CDH18: variants seen among roughly 807,000 people sequenced by gnomAD.
The protein encoded by CDH18 is cadherin-18.
Under a neutral mutation model 67.9 loss-of-function variants are expected in CDH18, and 31 were observed. That is an observed-to-expected ratio of 0.46 (90% CI 0.34 to 0.62). CDH18 has a LOEUF of 0.62. Among genes scored for constraint, CDH18 ranks in the 20% least tolerant of loss-of-function variants. The pLI is 0.01. For synonymous variants in CDH18, 362 were observed against 347.2 expected (o/e 1.04, Z -0.48); for missense variants, 890 against 975.5 (o/e 0.91, Z 1.17).
At chr5:19,704,880 CCAGGA>C (rs748257368) in intron 5 of CDH18, among the ~76,000 whole-genome samples, 20 of 152,144 alleles carry the variant, frequency 1.3e-4, no homozygotes, top group Non-Finnish European at 2.4e-4. Context: ...GGCATTACAG[CCAGGA>C]TTGCCTTCTC....
intron 6 of CDH18, among the ~76,000 whole-genome samples, chr5:19,598,964 T>C (rs1348227909): frequency 6.6e-6 from 1 of 152,162 alleles, no homozygotes; most frequent in Non-Finnish European, 1.5e-5. Context: ...TATGTGACTA[T>C]TAATGAAAAA....
At chr5:19,641,037 C>A (rs1283858884) in intron 5 of CDH18, among the ~76,000 whole-genome samples, 2 of 151,402 alleles carry the variant, frequency 1.3e-5, no homozygotes, top group African/African-American at 4.8e-5. Flanking sequence ...CAAAAAGCAT[C>A]CTTTTTATGG....
At chr5:19,825,512 C>T (rs982718129) in intron 3 of CDH18, among the ~76,000 whole-genome samples, 2 of 152,008 alleles carry the variant, frequency 1.3e-5, no homozygotes, top group Non-Finnish European at 1.5e-5. Flanking sequence ...GGGCTGACAC[C>T]GCAAGGATAC....
chr5:20,446,748 G>T (rs1202764870), intron 1 of CDH18, among the ~76,000 whole-genome samples: 1 of 152,064 alleles, frequency 6.6e-6, no homozygotes, highest in African/African-American at 2.4e-5. Flanking sequence ...ATTTAAAAAG[G>T]CACATCAGTG....
At chr5:19,487,994 C>A (rs1261324556) in intron 11 of CDH18, among the ~76,000 whole-genome samples, 1 of 152,104 alleles carries the variant, frequency 6.6e-6, no homozygotes, top group Non-Finnish European at 1.5e-5. Flanking sequence ...ATGCATTCAA[C>A]TTCTGTATTT....
intron 2 of CDH18, among the ~76,000 whole-genome samples, chr5:19,852,879 G>T (rs577595054): frequency 2.0e-5 from 3 of 152,114 alleles, no homozygotes; most frequent in Admixed American, 6.6e-5. Flanking sequence ...TGGCCTTCAG[G>T]AGTATTGAAA....
intron 1 of CDH18, among the ~76,000 whole-genome samples, chr5:20,414,825 C>T (rs935610590): frequency 5.9e-5 from 9 of 152,036 alleles, no homozygotes; most frequent in African/African-American, 2.2e-4. Flanking sequence ...GCAATAGCAA[C>T]CACAGCAAAA....
At chr5:20,267,698 T>C (rs906475381) in intron 1 of CDH18, among the ~76,000 whole-genome samples, 3 of 152,194 alleles carry the variant, frequency 2.0e-5, no homozygotes, top group East Asian at 3.9e-4. Context: ...TTCCCTCTCA[T>C]ATATCATCAT....
chr5:19,472,819 C>T lies in CDH18; in HGVS notation c.*407G>A, dbSNP rs941125678. 6.1e-6 allele frequency: 1 copy of T among 162,768 alleles called. No individual in the cohort carries two copies. The highest frequency in any genetic ancestry group is 1.4e-5 in the Non-Finnish European group (1 of 73,894). 10.1% of individuals were successfully genotyped at this position (162,768 alleles called of 1,614,324 possible). A position where few individuals can be genotyped will look rare whatever the true frequency, so the allele number is the denominator to read the frequency against. ...AGGTTGTGATTACCTTCACAAGTTT[C>T]CTGTATTAGTGTTACCACCCCTATA... On this transcript the variant is annotated 3_prime_UTR_variant, in exon 13 of 13. Coordinates refer to ENST00000382275, the MANE Select transcript of CDH18 (RefSeq NM_004934.5).
intron 2 of CDH18, among the ~76,000 whole-genome samples, chr5:20,109,475 G>C (rs528065473): frequency 6.6e-6 from 1 of 152,120 alleles, no homozygotes; most frequent in Non-Finnish European, 1.5e-5. Flanking sequence ...AGACTTATAC[G>C]GCAACACTCT....
chr5:20,427,889 A>G (rs1748422919), intron 1 of CDH18, among the ~76,000 whole-genome samples: 1 of 151,198 alleles, frequency 6.6e-6, no homozygotes, highest in African/African-American at 2.5e-5. Context: ...CACTTTTCTA[A>G]TCAGAACATT....
chr5:19,612,302 A>T (rs1749108228), intron 6 of CDH18, 132 bp downstream of exon 6: 1 of 769,504 alleles, frequency 1.3e-6, no homozygotes, highest in Non-Finnish European at 2.1e-6. Flanking sequence ...TACATGAAGA[A>T]GGGTGATCAT....
chr5:19,874,217 T>C (rs183722833), intron 2 of CDH18, among the ~76,000 whole-genome samples: 148 of 152,296 alleles, frequency 9.7e-4, no homozygotes, highest in African/African-American at 3.5e-3. Flanking sequence ...CTGTTTGGCA[T>C]TGACCTCTCT....
chr5:20,198,584 G>A (rs1032654767), intron 2 of CDH18, among the ~76,000 whole-genome samples: 1 of 152,130 alleles, frequency 6.6e-6, no homozygotes, highest in African/African-American at 2.4e-5. Flanking sequence ...TGATGATGCG[G>A]TAGAAAAAAG....
chr5:20,060,133 CT>C (rs1381155462), intron 2 of CDH18, among the ~76,000 whole-genome samples: 1 of 152,012 alleles, frequency 6.6e-6, no homozygotes, highest in Non-Finnish European at 1.5e-5. Flanking sequence ...ATAAAAAAAA[CT>C]TATTAGAACT....
intron 9 of CDH18, among the ~76,000 whole-genome samples, chr5:19,521,043 G>A (rs1746821550): frequency 6.6e-6 from 1 of 152,132 alleles, no homozygotes. Context: ...AACTTGAGTG[G>A]GAGAAAGTTG....
rs777664534 is a variant in CDH18, at chr5:19,544,022, A to T, written c.1254-17T>A. The T allele has an allele frequency of 4.1e-6, 6 of 1,470,924 alleles. No individual in the cohort carries two copies. In the South Asian group the frequency reaches 7.8e-5, roughly 19 times the overall value. The allele number at this position is 1,470,924 out of a possible 1,614,324, so 91.1% of individuals were successfully genotyped here. On this transcript the variant is annotated splice_polypyrimidine_tract_variant and intron_variant, in intron 8 of 12. Transcript: ENST00000382275. ...ATGAAGTATCTAGAGAAAAAAAGAG[A>T]AGTTTTTACTTGATGTTATAATGAA...
intron 1 of CDH18, among the ~76,000 whole-genome samples, chr5:20,455,163 A>G (rs552479300): frequency 1.3e-5 from 2 of 152,222 alleles, no homozygotes; most frequent in East Asian, 3.9e-4. Context: ...CCAGTGTCAT[A>G]ATTGAATCAT....
At chr5:19,666,226 C>A (rs1296941476) in intron 5 of CDH18, among the ~76,000 whole-genome samples, 1 of 141,598 alleles carries the variant, frequency 7.1e-6, no homozygotes, top group Admixed American at 7.3e-5. Context: ...TGTCCCCACG[C>A]CTGTATGATT....
Sources: gnomAD v4.1 joint callset for allele counts (sites outside exome capture counted in the v4.1 genomes callset) on GRCh38, gnomAD v4.1.1 for gene constraint, MANE v1.5 for transcripts, NCBI Gene and HGNC (gene_info 2026-07-23, HGNC 2026-07-21) for gene names.